The following KLK14 variants were observed in gnomAD, a reference collection of about 807,000 sequenced individuals.
The protein encoded by KLK14 is kallikrein-14.
KLK14 carries 21 observed loss-of-function variants against 24.6 expected under a neutral mutation model. That is an observed-to-expected ratio of 0.85 (90% CI 0.61 to 1.23). The LOEUF is 1.23. Ranked by LOEUF, KLK14 falls within the 50% of genes most tolerant of loss-of-function variation. The pLI is 0.00. For synonymous variants in KLK14, 133 were observed against 139.7 expected (o/e 0.95, Z 0.34); for missense variants, 320 against 338.9 (o/e 0.94, Z 0.44).
Position 51,082,836 on chromosome 19 carries a change from G to A in KLK14, c.-137C>T, listed in dbSNP as rs1303884217. The A allele has an allele frequency of 3.5e-6, 5 of 1,426,026 alleles. No individual in the cohort carries two copies. The highest frequency in any genetic ancestry group is 4.9e-6 in the Non-Finnish European group (5 of 1,029,242). The allele number at this position is 1,426,026 out of a possible 1,614,324, so 88.3% of individuals were successfully genotyped here. ...GGCAGGTGGGAGGATGTGGAGCAGG[G>A]CACAGGTCCCTCCTTGATGTCTTGA... On this transcript the variant is annotated 5_prime_UTR_variant, in exon 1 of 6. Coordinates refer to ENST00000650543, the MANE Select transcript of KLK14 (RefSeq NM_001369775.2).
In KLK14 at chr19:51,082,735, C is replaced by A. The variant is rs773425798; in HGVS notation, c.-36G>T. 6.2e-7 allele frequency: 1 copy of A among 1,613,934 alleles called. No homozygotes were observed. Among genetic ancestry groups the A allele is most frequent in the Non-Finnish European group, 8.5e-7 (1 of 1,179,984 alleles). ...AGGGGCACTTACCCAGAGCCCAAGA[C>A]CCTCAGGGACATGAAGACACAGCAG... On this transcript the variant is annotated 5_prime_UTR_variant, in exon 1 of 6. Transcript: ENST00000650543.
chr19:51,079,550 C>T lies in KLK14; in HGVS notation c.365G>A (p.Arg122Gln), dbSNP rs367549276. 1.8e-5 allele frequency: 29 copies of T among 1,613,890 alleles called. No individual in the cohort carries two copies. The highest frequency in any genetic ancestry group is 2.3e-5 in the Non-Finnish European group (27 of 1,180,038). ...AATGGGCCTGACTGCCCTCCCGATCCGTGCGGGCTGCTGTAGCTGCAGCAG... is the reference window on the plus strand; with the variant it reads ...AATGGGCCTGACTGCCCTCCCGATCTGTGCGGGCTGCTGTAGCTGCAGCAG... Reference protein sequence around the residue: ...LMLLQLQQPARIGRAVRPIEV... With the variant: ...LMLLQLQQPAQIGRAVRPIEV... The change falls in exon 4 of 6, where the codon CGG becomes CAG. Residue 122 changes from arginine (R) to glutamine (Q), a missense_variant. Physicochemically the swap from Arg to Gln is conservative, Grantham distance 43. Transcript: ENST00000650543.
chr19:51,080,720 C>G (rs575106404), intron 3 of KLK14, among the ~76,000 whole-genome samples: 1 of 152,256 alleles, frequency 6.6e-6, no homozygotes, highest in South Asian at 2.1e-4. Flanking sequence ...GTTGCCTAGC[C>G]TGGAGTGCAA....
intron 3 of KLK14, among the ~76,000 whole-genome samples, chr19:51,080,359 T>C (rs867191): frequency 0.051 from 7,813 of 151,918 alleles, 295 homozygotes; most frequent in Non-Finnish European, 0.075. Flanking sequence ...CTGTTTCATA[T>C]TGGATTATAG....
chr19:51,082,543 C>A (rs757493335), intron 2 of KLK14, 32 bp downstream of exon 2: 1 of 1,607,868 alleles, frequency 6.2e-7, no homozygotes, highest in Non-Finnish European at 8.5e-7. Context: ...CTCCAGGGGA[C>A]CCCCTTGTGT....
chr19:51,080,837 C>T (rs546273081), intron 3 of KLK14, among the ~76,000 whole-genome samples: 1 of 152,302 alleles, frequency 6.6e-6, no homozygotes, highest in South Asian at 2.1e-4. Context: ...CCATGCCTGG[C>T]TAATTTTGCA....
Position 51,078,046 on chromosome 19 carries a change from C to G in KLK14, c.717G>C (p.Lys239Asn), listed in dbSNP as rs201803429. The change falls in exon 6 of 6, where the codon AAG becomes AAC. Residue 239 changes from lysine to asparagine, a missense_variant. Transcript: ENST00000650543. This position sits in a 1 kb window ranked among gnomAD's most constrained non-coding sequence, Gnocchi z 5.0. ...TCGTTTCCTCAATCCAGCTTCTGTA[C>G]TTGCACAGGTTGGTGTAGACACCGG... is the stretch of plus-strand genomic sequence containing the variant. ...GYPGVYTNLC[K>N]YRSWIEETMR... 1.1e-5 allele frequency: 18 copies of G among 1,613,864 alleles called. No homozygotes were observed. Among genetic ancestry groups the G allele is most frequent in the Admixed American group, 1.7e-5 (1 of 59,986 alleles).
intron 3 of KLK14, 129 bp from the exon 4 acceptor site, chr19:51,079,831 G>A: frequency 7.2e-7 from 1 of 1,390,870 alleles, no homozygotes; most frequent in East Asian, 2.5e-5. Context: ...ACTAACTGCA[G>A]GCCGAGCATT....
Position 51,079,558 on chromosome 19 carries a change from C to T in KLK14, c.357G>A (p.Gln119=). The change falls in exon 4 of 6, where the codon CAG becomes CAA. Residue 119 remains glutamine (Q), a synonymous_variant. Coordinates refer to ENST00000650543, the MANE Select transcript of KLK14 (RefSeq NM_001369775.2). ...DNDLMLLQLQ[Q]PARIGRAVRP... Reference sequence around the variant, plus strand: ...TGACTGCCCTCCCGATCCGTGCGGGCTGCTGTAGCTGCAGCAGCATGAGGT... The same window carrying T: ...TGACTGCCCTCCCGATCCGTGCGGGTTGCTGTAGCTGCAGCAGCATGAGGT... 1.2e-6 allele frequency: 2 copies of T among 1,614,020 alleles called. No individual in the cohort carries two copies. The highest frequency in any genetic ancestry group is 1.3e-5 in the African/African-American group (1 of 75,056).
chr19:51,083,113 A>AG (rs1299525172), upstream of KLK14, among the ~76,000 whole-genome samples: 1 of 147,494 alleles, frequency 6.8e-6, no homozygotes, highest in African/African-American at 2.5e-5. Context: ...GAATCCTGGG[A>AG]GGGGACCCCA....
rs1352334095 is a variant in KLK14, at chr19:51,082,464, G to A, written c.40+111C>T. 2.0e-5 allele frequency: 19 copies of A among 970,504 alleles called. No homozygotes were observed. In the Admixed American group the frequency reaches 4.2e-4, roughly 21 times the overall value. 60.1% of individuals were successfully genotyped at this position (970,504 alleles called of 1,614,324 possible). On this transcript the variant is annotated intron_variant, in intron 2 of 5. Coordinates refer to ENST00000650543, the MANE Select transcript of KLK14 (RefSeq NM_001369775.2). ...CACCATGACCCCCAAACCACTCCCT[G>A]CTCTTTCTTATGAGGTCACCATGAG...
intron 3 of KLK14, 83 bp downstream of exon 3, chr19:51,081,449 A>C: frequency 3.1e-6 from 4 of 1,297,336 alleles, no homozygotes; most frequent in Non-Finnish European, 3.0e-6. Flanking sequence ...GGTTCTATAC[A>C]GAGATCCAGG....
Position 51,082,833 on chromosome 19 carries a change from A to T in KLK14, c.-134T>A. 6.9e-7 allele frequency: 1 copy of T among 1,449,994 alleles called. No individual in the cohort carries two copies. The highest frequency in any genetic ancestry group is 9.5e-7 in the Non-Finnish European group (1 of 1,049,448). The allele number at this position is 1,449,994 out of a possible 1,614,324, so 89.8% of individuals were successfully genotyped here. A position where few individuals can be genotyped will look rare whatever the true frequency, so the allele number is the denominator to read the frequency against. On this transcript the variant is annotated 5_prime_UTR_variant, in exon 1 of 6. Coordinates refer to ENST00000650543, the MANE Select transcript of KLK14 (RefSeq NM_001369775.2). ...GGCGGCAGGTGGGAGGATGTGGAGC[A>T]GGGCACAGGTCCCTCCTTGATGTCT...
chr19:51,081,050 G>A (rs1418746930), intron 3 of KLK14, among the ~76,000 whole-genome samples: 1 of 152,246 alleles, frequency 6.6e-6, no homozygotes. Context: ...AACCTTGGGT[G>A]TGAAACAGCC....
At chr19:51,082,495 A>G in intron 2 of KLK14, 80 bp downstream of exon 2, 2 of 1,345,000 alleles carry the variant, frequency 1.5e-6, no homozygotes, top group Non-Finnish European at 2.1e-6. Flanking sequence ...ATGAGCATCC[A>G]GGGGCCCCAA....
At chr19:51,080,762 C>A (rs2091834686) in intron 3 of KLK14, among the ~76,000 whole-genome samples, 1 of 152,142 alleles carries the variant, frequency 6.6e-6, no homozygotes, top group African/African-American at 2.4e-5. Flanking sequence ...CAACCTCCGC[C>A]TCCCAGGTTC....
In KLK14 at chr19:51,079,690, A is replaced by G; in HGVS notation, c.225T>C (p.Val75=). 1 of 1,561,402 alleles carries G rather than the reference A, an allele frequency of 6.4e-7. No individual in the cohort carries two copies. Among genetic ancestry groups the G allele is most frequent in the Non-Finnish European group, 8.7e-7 (1 of 1,153,412 alleles). ...AAHCGRPILQ[V]ALGKHNLRRW... Reference sequence around the variant, plus strand: ...TCCTCAGGTTGTGCTTGCCCAGGGCAACCTGAAGGATCCTGGCCACGACCC... The same window carrying G: ...TCCTCAGGTTGTGCTTGCCCAGGGCGACCTGAAGGATCCTGGCCACGACCC... The change falls in exon 4 of 6, where the codon GTT becomes GTC. Residue 75 remains valine (V), a synonymous_variant. Coordinates refer to ENST00000650543, the MANE Select transcript of KLK14 (RefSeq NM_001369775.2).
In KLK14 at chr19:51,078,988, T is replaced by G. The variant is rs1422923904; in HGVS notation, c.467-37A>C. 6.2e-7 allele frequency: 1 copy of G among 1,608,210 alleles called. No individual in the cohort carries two copies. The highest frequency in any genetic ancestry group is 2.2e-5 in the East Asian group (1 of 44,842). ...TGCAGGGTTATAACTGGGTCTACCCTCCCATAAGACCCAAGGGTCCAGGCC... is the reference window on the plus strand; with the variant it reads ...TGCAGGGTTATAACTGGGTCTACCCGCCCATAAGACCCAAGGGTCCAGGCC... On this transcript the variant is annotated intron_variant, in intron 4 of 5. Coordinates refer to ENST00000650543, the MANE Select transcript of KLK14 (RefSeq NM_001369775.2). The surrounding 1 kb of genome is among the most constrained non-coding windows in gnomAD (Gnocchi z 5.0).
Position 51,078,891 on chromosome 19 carries a change from T to C in KLK14, c.527A>G (p.Gln176Arg). The C allele has an allele frequency of 1.2e-6, 2 of 1,614,106 alleles. No homozygotes were observed. The highest frequency in any genetic ancestry group is 1.7e-6 in the Non-Finnish European group (2 of 1,179,966). The change falls in exon 5 of 6, where the codon CAG becomes CGG. Residue 176 changes from glutamine to arginine, a missense_variant. Gln to Arg is a conservative substitution (Grantham distance 43, BLOSUM62 1). Coordinates refer to ENST00000650543, the MANE Select transcript of KLK14 (RefSeq NM_001369775.2). This position sits in a 1 kb window ranked among gnomAD's most constrained non-coding sequence, Gnocchi z 5.0. ...CGTGATGGTTCTAGGATAGGCCTTC[T>C]GGCACACCTCATCCGGGGAGATGTT... ...NINISPDEVC[Q>R]KAYPRTITPG...
Sources: gnomAD v4.1 joint callset for allele counts (sites outside exome capture counted in the v4.1 genomes callset) on GRCh38, gnomAD v4.1.1 for gene constraint, Gnocchi (gnomAD v3.1) non-coding constraint, MANE v1.5 for transcripts, NCBI Gene and HGNC (gene_info 2026-07-23, HGNC 2026-07-21) for gene names.